The following SACM1L variants were observed in gnomAD, a reference collection of about 807,000 sequenced individuals.
SACM1L encodes phosphatidylinositol-3-phosphatase SAC1.
SACM1L carries 32 observed loss-of-function variants against 89.5 expected under a neutral mutation model. The ratio of observed to expected loss-of-function variants is 0.36; its 90% CI spans 0.27 to 0.48. The LOEUF is 0.48. Among genes scored for constraint, SACM1L ranks in the 20% least tolerant of loss-of-function variants. SACM1L has a pLI of 0.99. For missense variants in SACM1L, 543 were observed against 708.5 expected, an observed-to-expected ratio of 0.77 and a Z score of 2.65; for synonymous variants, 213 against 232.8, an observed-to-expected ratio of 0.92 and a Z score of 0.77.
chr3:45,698,120 A>C (rs183290365), intron 1 of SACM1L, among the ~76,000 whole-genome samples: 32 of 152,374 alleles, frequency 2.1e-4, no homozygotes, highest in Middle Eastern at 6.8e-3. Context: ...GGCTTTTGAA[A>C]TGAAGCCCAG....
chr3:45,705,483 G>A (rs1286901611), intron 3 of SACM1L, among the ~76,000 whole-genome samples: 1 of 149,074 alleles, frequency 6.7e-6, no homozygotes, highest in African/African-American at 2.5e-5. Context: ...CACAAATGGA[G>A]TATGTAAATA....
chr3:45,734,111 G>T (rs1283262452), intron 13 of SACM1L, among the ~76,000 whole-genome samples: 1 of 91,458 alleles, frequency 1.1e-5, no homozygotes, highest in Non-Finnish European at 2.3e-5. Flanking sequence ...ACCCATTTAA[G>T]AATTTTTTTT....
At chr3:45,714,155 A>G in intron 7 of SACM1L, 76 bp downstream of exon 7, 2 of 835,434 alleles carry the variant, frequency 2.4e-6, no homozygotes, top group Non-Finnish European at 3.7e-6. Flanking sequence ...ATTTAGAGAT[A>G]GTCTCAAATA....
chr3:45,709,464 A>G (rs375509049), intron 4 of SACM1L, 34 bp from the exon 5 acceptor site: 8 of 1,550,660 alleles, frequency 5.2e-6, no homozygotes, highest in South Asian at 2.4e-5. Context: ...TTCCTTTTCA[A>G]TTATGAGCTA....
chr3:45,729,403 C>A lies in SACM1L; in HGVS notation c.922-1898C>A, dbSNP rs1698996543. Among the ~76,000 whole-genome samples, 3 of 152,218 alleles carry A rather than the reference C, an allele frequency of 2.0e-5. No homozygotes were observed. The South Asian group carries it at 6.2e-4, about 32-fold the overall frequency. On this transcript the variant is annotated intron_variant, in intron 11 of 19. Transcript: ENST00000389061. Reference sequence around the variant, plus strand: ...CCCAGCCTGTTGGAAATTTTTATATCTCTGTATAGCTGCAAGTTACTGTGT... The same window carrying A: ...CCCAGCCTGTTGGAAATTTTTATATATCTGTATAGCTGCAAGTTACTGTGT...
intron 7 of SACM1L, among the ~76,000 whole-genome samples, chr3:45,718,202 A>G (rs1698707849): frequency 6.6e-6 from 1 of 152,196 alleles, no homozygotes; most frequent in Admixed American, 6.5e-5. Flanking sequence ...GTGGAATATT[A>G]TACAGCCATA....
At chr3:45,701,372 T>G (rs1239231677) in intron 1 of SACM1L, among the ~76,000 whole-genome samples, 1 of 152,204 alleles carries the variant, frequency 6.6e-6, no homozygotes, top group Non-Finnish European at 1.5e-5. Context: ...TTCCCTGGAA[T>G]GTATTCATCA....
intron 12 of SACM1L, 31 bp from the exon 13 acceptor site, chr3:45,732,017 CTCTGG>C (rs754362232): frequency 2.2e-5 from 27 of 1,235,080 alleles, no homozygotes; most frequent in Non-Finnish European, 3.1e-5. Flanking sequence ...AATGAATGAT[CTCTGG>C]TCGGTTTCTG....
At chr3:45,737,451 G>A (rs1699226264) in intron 14 of SACM1L, 132 bp from the exon 15 acceptor site, 3 of 904,296 alleles carry the variant, frequency 3.3e-6, no homozygotes, top group Admixed American at 4.6e-5. Context: ...GCCCCCTATA[G>A]ACAACAGACA....
chr3:45,705,287 C>A, intron 3 of SACM1L, 78 bp downstream of exon 3: 1 of 817,734 alleles, frequency 1.2e-6, no homozygotes, highest in Non-Finnish European at 2.1e-6. Flanking sequence ...AGTGAGTATA[C>A]GATGAAGTAA....
rs1697909034 is a variant in SACM1L at position 45,689,401 on chromosome 3, T to C, written c.-65T>C. ...GCTGTGCCAGGGTGACCGGTAGAGT[T>C]GTAGCCGAGGTGGCGGCGCGGGGCG... On this transcript the variant is annotated 5_prime_UTR_variant, in exon 1 of 20. Transcript: ENST00000389061. The C allele has an allele frequency of 6.5e-7, 1 of 1,548,648 alleles. No homozygotes were observed. The highest frequency in any genetic ancestry group is 8.7e-7 in the Non-Finnish European group (1 of 1,145,324).
Position 45,743,883 on chromosome 3 carries a change from GC to G in SACM1L, c.*215del, listed in dbSNP as rs1238601262. ...GGGACAGTTAGATTTATAATTTGAA[GC>G]TATTCTGTAATTAAAATATAACCTG... is the stretch of plus-strand genomic sequence containing the variant. On this transcript the variant is annotated 3_prime_UTR_variant, in exon 20 of 20. Coordinates refer to ENST00000389061, the MANE Select transcript of SACM1L (RefSeq NM_014016.5). 2 of 406,012 alleles carry G rather than the reference GC, an allele frequency of 4.9e-6. No individual in the cohort carries two copies. Among genetic ancestry groups the G allele is most frequent in the African/African-American group, 2.0e-5 (1 of 48,912 alleles). The allele number at this position is 406,012 out of a possible 1,614,324, so 25.2% of individuals were successfully genotyped here.
At chr3:45,730,886 G>C (rs1229129245) in intron 11 of SACM1L, among the ~76,000 whole-genome samples, 1 of 152,168 alleles carries the variant, frequency 6.6e-6, no homozygotes, top group African/African-American at 2.4e-5. Flanking sequence ...AGATACGTGG[G>C]ACAGAGATGA....
chr3:45,715,626 TA>T (rs1698635203), intron 7 of SACM1L, among the ~76,000 whole-genome samples: 1 of 151,994 alleles, frequency 6.6e-6, no homozygotes, highest in Non-Finnish European at 1.5e-5. Context: ...ATACAAAAAT[TA>T]GCTGGGCGTG....
Position 45,722,971 on chromosome 3 carries a change from G to A in SACM1L, c.852+16G>A, listed in dbSNP as rs763757491. On this transcript the variant is annotated intron_variant, in intron 10 of 19. Transcript: ENST00000389061. ...AGCAAATCACGTGTGTATCTTGCAT[G>A]CCTTTTTTGTTGGTTAAAAATAGAA... 1.3e-6 allele frequency: 2 copies of A among 1,592,820 alleles called. No homozygotes were observed.
intron 2 of SACM1L, 139 bp downstream of exon 2, chr3:45,703,674 T>C (rs1232465557): frequency 4.0e-6 from 2 of 504,974 alleles, no homozygotes; most frequent in East Asian, 3.2e-5. Context: ...TCTTGCTACC[T>C]CATTCATAGG....
At chr3:45,739,736 T>C (rs573039204) in intron 19 of SACM1L, 92 bp downstream of exon 19, 7 of 1,176,784 alleles carry the variant, frequency 5.9e-6, no homozygotes. Context: ...ACACTTGATG[T>C]TTCCCTATTA....
chr3:45,706,831 GT>G lies in SACM1L; in HGVS notation c.258del (p.His87MetfsTer2). ...TKKIKVGEFF[S>X]HVVWKATDFD... ...AAGATAAAAGTAGGTGAATTTTTCA[GT>G]CATGTAGTCTGGAAAGCAACAGATT... On this transcript the variant is annotated frameshift_variant, in exon 4 of 20. Coordinates refer to ENST00000389061, the MANE Select transcript of SACM1L (RefSeq NM_014016.5). LOFTEE classifies it high-confidence loss of function. 6.2e-7 allele frequency: 1 copy of G among 1,612,776 alleles called. No individual in the cohort carries two copies. The highest frequency in any genetic ancestry group is 1.1e-5 in the South Asian group (1 of 90,950).
In SACM1L at chr3:45,689,473, C is replaced by T. The variant is rs1204025152; in HGVS notation, c.8C>T (p.Thr3Met). 1 of 1,576,740 alleles carries T rather than the reference C, an allele frequency of 6.3e-7. No individual in the cohort carries two copies. The highest frequency in any genetic ancestry group is 1.2e-5 in the South Asian group (1 of 86,202). MA[T>M]AAYEQLKLHI... ...AGGAGGTGGTTGTGCAGGATGGCGA[C>T]GGCGGCCTACGAGCAGCTGAAGCTG... is the stretch of plus-strand genomic sequence containing the variant. Residue 3 changes from threonine (T) to methionine (M), a missense_variant, in exon 1 of 20, where the codon ACG becomes ATG. Transcript: ENST00000389061.
Sources: allele counts gnomAD v4.1 joint callset (sites outside exome capture counted in the v4.1 genomes callset), GRCh38; gene constraint gnomAD v4.1.1; transcripts MANE v1.5; gene names NCBI Gene and HGNC (gene_info 2026-07-23, HGNC 2026-07-21).